The following NALF1 variants were observed in gnomAD, a reference collection of about 807,000 sequenced individuals.
The protein encoded by NALF1 is NALCN channel auxiliary factor 1, also known as family with sequence similarity 155 member A.
A neutral mutation model predicts 48.4 loss-of-function variants in NALF1; 3 were observed. The ratio of observed to expected loss-of-function variants is 0.06; its 90% CI spans 0.03 to 0.16. NALF1 has a LOEUF of 0.16. Among genes scored for constraint, NALF1 ranks in the 10% least tolerant of loss-of-function variants. NALF1 has a pLI of 1.00. For synonymous variants in NALF1, 262 were observed against 245.7 expected, an observed-to-expected ratio of 1.07 and a Z score of -0.62; for missense variants, 526 against 571.5, an observed-to-expected ratio of 0.92 and a Z score of 0.81.
At chr13:107,241,228 T>C (rs955599418) in intron 1 of NALF1, among the ~76,000 whole-genome samples, 3 of 151,980 alleles carry the variant, frequency 2.0e-5, no homozygotes, top group Non-Finnish European at 4.4e-5. Context: ...TGTATATATA[T>C]ATGCACACAC....
At chr13:107,528,077 G>A (rs1450034980) in intron 1 of NALF1, among the ~76,000 whole-genome samples, 7 of 152,038 alleles carry the variant, frequency 4.6e-5, no homozygotes, top group Non-Finnish European at 7.4e-5. Flanking sequence ...ATAAAAATGC[G>A]AGTATATATA....
intron 1 of NALF1, among the ~76,000 whole-genome samples, chr13:107,492,895 G>T (rs1875191512): frequency 6.6e-6 from 1 of 152,146 alleles, no homozygotes; most frequent in South Asian, 2.1e-4. Context: ...AAACACAGCT[G>T]TTGTAATGAC....
At chr13:107,854,180 A>C (rs1880385702) in intron 1 of NALF1, among the ~76,000 whole-genome samples, 2 of 152,250 alleles carry the variant, frequency 1.3e-5, no homozygotes, top group South Asian at 4.1e-4. Flanking sequence ...AAAAGGATTC[A>C]TCTTTTCATA....
Position 107,409,838 on chromosome 13 carries a change from A to G in NALF1, c.916-199083T>C, listed in dbSNP as rs114782832. Among the ~76,000 whole-genome samples, 553 of 152,272 alleles carry G rather than the reference A, an allele frequency of 3.6e-3. 5 individuals carry two copies. The highest frequency in any genetic ancestry group is 0.012 in the African/African-American group (500 of 41,566). ...ATACATAAAGACACCATACAGCTAGACTAGGGAATTTCTACCCTTGCCCTC... is the reference window on the plus strand; with the variant it reads ...ATACATAAAGACACCATACAGCTAGGCTAGGGAATTTCTACCCTTGCCCTC... On this transcript the variant is annotated intron_variant, in intron 1 of 2. Coordinates refer to ENST00000375915, the MANE Select transcript of NALF1 (RefSeq NM_001080396.3).
At chr13:107,343,659 A>G (rs567401764) in intron 1 of NALF1, among the ~76,000 whole-genome samples, 1 of 152,292 alleles carries the variant, frequency 6.6e-6, no homozygotes, top group East Asian at 1.9e-4. Flanking sequence ...ATGGACTAAT[A>G]AAGAAATTAA....
intron 1 of NALF1, among the ~76,000 whole-genome samples, chr13:107,541,187 C>G (rs1055214665): frequency 6.6e-6 from 1 of 152,046 alleles, no homozygotes; most frequent in Non-Finnish European, 1.5e-5. Context: ...AAGCTTGGAT[C>G]GTTACATGTC....
chr13:107,542,475 G>A (rs1399350117), intron 1 of NALF1, among the ~76,000 whole-genome samples: 1 of 152,108 alleles, frequency 6.6e-6, no homozygotes, highest in Non-Finnish European at 1.5e-5. Flanking sequence ...TATTTCAAAT[G>A]TGTGAATTGT....
chr13:107,656,136 C>CAAAAA (rs200501399), intron 1 of NALF1, among the ~76,000 whole-genome samples: 1 of 122,694 alleles, frequency 8.2e-6, no homozygotes, highest in African/African-American at 3.0e-5. Flanking sequence ...AAGGCAAATG[C>CAAAAA]AAAAAAAAAA....
chr13:107,464,677 C>A (rs939158474), intron 1 of NALF1, among the ~76,000 whole-genome samples: 2 of 152,024 alleles, frequency 1.3e-5, no homozygotes, highest in Non-Finnish European at 2.9e-5. Flanking sequence ...TGAACAGCTA[C>A]GCCTGGCAAA....
chr13:107,647,724 A>G (rs958694356), intron 1 of NALF1, among the ~76,000 whole-genome samples: 2 of 152,102 alleles, frequency 1.3e-5, no homozygotes, highest in African/African-American at 4.8e-5. Flanking sequence ...GTAAAAAGGA[A>G]TTACTTTAAA....
intron 1 of NALF1, among the ~76,000 whole-genome samples, chr13:107,548,839 A>T (rs1424735891): frequency 6.6e-6 from 1 of 152,060 alleles, no homozygotes; most frequent in African/African-American, 2.4e-5. Flanking sequence ...TTTGTATTAT[A>T]CATATAAATA....
intron 1 of NALF1, among the ~76,000 whole-genome samples, chr13:107,688,947 G>C (rs937658499): frequency 6.6e-6 from 1 of 152,186 alleles, no homozygotes; most frequent in Non-Finnish European, 1.5e-5. Context: ...GAGGATGATG[G>C]TGATGAGAAG....
At chr13:107,338,696 C>A (rs554104984) in intron 1 of NALF1, among the ~76,000 whole-genome samples, 7 of 152,046 alleles carry the variant, frequency 4.6e-5, no homozygotes, top group African/African-American at 1.2e-4. Flanking sequence ...AAGAGCCATT[C>A]GGATTAACTT....
At chr13:107,342,486 AC>A (rs1362891654) in intron 1 of NALF1, among the ~76,000 whole-genome samples, 2 of 152,058 alleles carry the variant, frequency 1.3e-5, no homozygotes, top group African/African-American at 4.8e-5. Context: ...ACAGCCCAAA[AC>A]CTTTATGAGA....
intron 1 of NALF1, among the ~76,000 whole-genome samples, chr13:107,548,716 G>A (rs1454208902): frequency 6.6e-6 from 1 of 151,972 alleles, no homozygotes; most frequent in Non-Finnish European, 1.5e-5. Flanking sequence ...CAACCCACAG[G>A]TAGCACCAAG....
At chr13:107,535,157 T>C (rs574612829) in intron 1 of NALF1, among the ~76,000 whole-genome samples, 38 of 152,236 alleles carry the variant, frequency 2.5e-4, no homozygotes, top group African/African-American at 8.4e-4. Context: ...CTTTTCCTAA[T>C]TGAATACCCT....
chr13:107,461,897 CT>C (rs1355526845), intron 1 of NALF1, among the ~76,000 whole-genome samples: 1 of 152,182 alleles, frequency 6.6e-6, no homozygotes, highest in Non-Finnish European at 1.5e-5. Context: ...GACACTGGCT[CT>C]TTTCCCAGCT....
chr13:107,257,886 G>T (rs1223784006), intron 1 of NALF1, among the ~76,000 whole-genome samples: 1 of 152,154 alleles, frequency 6.6e-6, no homozygotes, highest in Non-Finnish European at 1.5e-5. Flanking sequence ...ATAAGAGGGA[G>T]AATTCAGCTC....
chr13:107,757,424 T>TC (rs1405796610), intron 1 of NALF1, among the ~76,000 whole-genome samples: 1 of 149,990 alleles, frequency 6.7e-6, no homozygotes, highest in African/African-American at 2.4e-5. Context: ...TCTTTTTTTT[T>TC]TTTTTTTTTT....
Sources: gnomAD v4.1 joint callset for allele counts (sites outside exome capture counted in the v4.1 genomes callset) on GRCh38, gnomAD v4.1.1 for gene constraint, MANE v1.5 for transcripts, NCBI Gene and HGNC (gene_info 2026-07-23, HGNC 2026-07-21) for gene names.